SH3GL3: variants seen among roughly 807,000 people sequenced by gnomAD.
SH3GL3 encodes the protein SH3 domain containing GRB2 like 3, endophilin A3.
Under a neutral mutation model 47.7 loss-of-function variants are expected in SH3GL3, and 33 were observed. That is an observed-to-expected ratio of 0.69 (90% CI 0.52 to 0.92). SH3GL3 has a LOEUF of 0.92. Among genes scored for constraint, SH3GL3 ranks in the 40% least tolerant of loss-of-function variants. The pLI is 0.00. For missense variants in SH3GL3, 363 were observed against 417.8 expected (o/e 0.87, Z 1.14); for synonymous variants, 155 against 148.8 (o/e 1.04, Z -0.30).
chr15:83,576,566 C>G lies in SH3GL3; in HGVS notation c.466-17C>G, dbSNP rs555270205. On this transcript the variant is annotated splice_polypyrimidine_tract_variant and intron_variant, in intron 5 of 8. Coordinates refer to ENST00000427482, the MANE Select transcript of SH3GL3 (RefSeq NM_003027.5). The stretch of plus-strand genomic sequence containing the variant: ...GAATGTAGCACCTCTCTGAGGGACT[C>G]CATTCTCTTTTTTTAGCATCACCTG... 6.3e-7 allele frequency: 1 copy of G among 1,593,398 alleles called. No individual in the cohort carries two copies. The highest frequency in any genetic ancestry group is 8.5e-7 in the Non-Finnish European group (1 of 1,172,984).
At chr15:83,505,123 C>T (rs1021668577) in intron 1 of SH3GL3, among the ~76,000 whole-genome samples, 1 of 152,086 alleles carries the variant, frequency 6.6e-6, no homozygotes, top group Admixed American at 6.6e-5. Context: ...ATCTGTTCTC[C>T]TGTTCGTGGT....
At chr15:83,595,482 T>C (rs1010780711) in intron 8 of SH3GL3, among the ~76,000 whole-genome samples, 2 of 150,614 alleles carry the variant, frequency 1.3e-5, no homozygotes, top group African/African-American at 4.9e-5. Flanking sequence ...AAAAAACCTG[T>C]GCATGTACCC....
At chr15:83,554,800 CT>C (rs1456103486) in intron 1 of SH3GL3, among the ~76,000 whole-genome samples, 2 of 152,172 alleles carry the variant, frequency 1.3e-5, no homozygotes, top group Non-Finnish European at 2.9e-5. Flanking sequence ...GTTTTTTCCC[CT>C]GCGATAGTTT....
At chr15:83,597,861 G>A (rs1167024266) in intron 8 of SH3GL3, among the ~76,000 whole-genome samples, 1 of 152,136 alleles carries the variant, frequency 6.6e-6, no homozygotes, top group Non-Finnish European at 1.5e-5. Flanking sequence ...GCCCAACTCG[G>A]CCTCCCGAAG....
At chr15:83,515,577 C>G (rs2042947632) in intron 1 of SH3GL3, among the ~76,000 whole-genome samples, 1 of 152,046 alleles carries the variant, frequency 6.6e-6, no homozygotes, top group Non-Finnish European at 1.5e-5. Flanking sequence ...GTTTCTCAAA[C>G]CTGTGTGAAT....
intron 6 of SH3GL3, among the ~76,000 whole-genome samples, chr15:83,579,579 A>C (rs1025383769): frequency 6.6e-6 from 1 of 152,084 alleles, no homozygotes; most frequent in Admixed American, 6.5e-5. Context: ...TCTTGCGGTA[A>C]TGGTGGTGAT....
At chr15:83,526,974 A>G (rs2043449033) in intron 1 of SH3GL3, among the ~76,000 whole-genome samples, 1 of 152,232 alleles carries the variant, frequency 6.6e-6, no homozygotes, top group Non-Finnish European at 1.5e-5. Flanking sequence ...TTTGGTAACT[A>G]TTGTAAATGG....
At chr15:83,489,197 G>T (rs1047727053) in intron 1 of SH3GL3, 1 of 152,192 alleles carries the variant, frequency 6.6e-6, no homozygotes, top group Non-Finnish European at 1.5e-5. Flanking sequence ...AGGTTATGAG[G>T]CTGGTTCTTG....
intron 1 of SH3GL3, among the ~76,000 whole-genome samples, chr15:83,491,180 G>C (rs1207650766): frequency 6.6e-6 from 1 of 152,192 alleles, no homozygotes; most frequent in Admixed American, 6.5e-5. Flanking sequence ...AGCTCACCTG[G>C]TCAGTAAGTG....
chr15:83,508,051 C>T (rs11259911), intron 1 of SH3GL3, among the ~76,000 whole-genome samples: 13,475 of 151,958 alleles, frequency 0.089, 782 homozygotes, highest in East Asian at 0.26. Flanking sequence ...AAGGGATTCT[C>T]CTGCCTCAGC....
intron 1 of SH3GL3, among the ~76,000 whole-genome samples, chr15:83,553,275 A>T (rs766622590): frequency 6.6e-6 from 1 of 152,158 alleles, no homozygotes; most frequent in African/African-American, 2.4e-5. Flanking sequence ...CTTTATTTTG[A>T]TTAGCATTTT....
intron 8 of SH3GL3, among the ~76,000 whole-genome samples, chr15:83,611,106 TTAAAA>T (rs911271432): frequency 1.3e-4 from 19 of 151,984 alleles, no homozygotes; most frequent in South Asian, 2.1e-4. Flanking sequence ...GTTCCTGCTG[TTAAAA>T]TAAGAGGGAC....
intron 4 of SH3GL3, among the ~76,000 whole-genome samples, chr15:83,569,022 G>A (rs1480577474): frequency 2.0e-5 from 3 of 151,026 alleles, no homozygotes; most frequent in African/African-American, 2.4e-5. Flanking sequence ...TTAGCCTCCC[G>A]AGTAGCTGGA....
chr15:83,494,138 G>A (rs1188548235), intron 1 of SH3GL3, among the ~76,000 whole-genome samples: 1 of 152,178 alleles, frequency 6.6e-6, no homozygotes, highest in Non-Finnish European at 1.5e-5. Flanking sequence ...TCTGCATACT[G>A]GATGCATGGG....
intron 1 of SH3GL3, among the ~76,000 whole-genome samples, chr15:83,460,154 G>A (rs555474610): frequency 6.5e-4 from 95 of 147,038 alleles, no homozygotes; most frequent in African/African-American, 2.4e-3. Context: ...AGGCTGGAGT[G>A]CAGTCATGTG....
chr15:83,614,916 C>T (rs2060774241), intron 8 of SH3GL3, among the ~76,000 whole-genome samples: 1 of 152,166 alleles, frequency 6.6e-6, no homozygotes. Flanking sequence ...CTCATTTGGC[C>T]AGCCACAGAA....
intron 1 of SH3GL3, among the ~76,000 whole-genome samples, chr15:83,522,160 A>C (rs1035823513): frequency 2.0e-5 from 3 of 152,232 alleles, no homozygotes; most frequent in South Asian, 4.1e-4. Flanking sequence ...ACATCCTTTG[A>C]GAGTATATGC....
chr15:83,497,306 A>G (rs143507536), intron 1 of SH3GL3, among the ~76,000 whole-genome samples: 295 of 152,108 alleles, frequency 1.9e-3, no homozygotes, highest in Admixed American at 0.013. Flanking sequence ...CCTTGAGGTT[A>G]TCTACCGGGA....
chr15:83,581,022 T>G (rs1313571036), intron 6 of SH3GL3, among the ~76,000 whole-genome samples: 1 of 152,204 alleles, frequency 6.6e-6, no homozygotes, highest in East Asian at 1.9e-4. Context: ...CCATCTCTGT[T>G]TGGCACTGAC....
Sources: gnomAD v4.1 joint callset for allele counts (sites outside exome capture counted in the v4.1 genomes callset) on GRCh38, gnomAD v4.1.1 for gene constraint, MANE v1.5 for transcripts, NCBI Gene and HGNC (gene_info 2026-07-23, HGNC 2026-07-21) for gene names.